GPR158: variants seen among roughly 807,000 people sequenced by gnomAD.
GPR158 encodes the protein metabotropic glycine receptor.
A neutral mutation model predicts 78.2 loss-of-function variants in GPR158; 30 were observed. The ratio of observed to expected loss-of-function variants is 0.38; its 90% CI spans 0.29 to 0.52. GPR158 has a LOEUF of 0.52. Among genes scored for constraint, GPR158 ranks in the 20% least tolerant of loss-of-function variants. GPR158 has a pLI of 0.83. For missense variants in GPR158, 1,463 were observed against 1,523.5 expected (o/e 0.96, Z 0.66); for synonymous variants, 581 against 591.1 (o/e 0.98, Z 0.25).
At chr10:25,327,315 A>G (rs550711687) in intron 2 of GPR158, among the ~76,000 whole-genome samples, 1 of 152,264 alleles carries the variant, frequency 6.6e-6, no homozygotes, top group Non-Finnish European at 1.5e-5. Flanking sequence ...GCCTTGATTC[A>G]GTCACCTGGA....
chr10:25,279,167 CTGA>C (rs1854230508), intron 2 of GPR158, among the ~76,000 whole-genome samples: 4 of 148,666 alleles, frequency 2.7e-5, no homozygotes, highest in African/African-American at 1.0e-4. Context: ...GCTGCTACTG[CTGA>C]TGCTGCTGAT....
chr10:25,245,167 T>C (rs368807304), intron 2 of GPR158, among the ~76,000 whole-genome samples: 4 of 152,326 alleles, frequency 2.6e-5, no homozygotes, highest in Admixed American at 6.5e-5. Context: ...ATCACGATGC[T>C]CAAAGGAATG....
At chr10:25,335,079 A>G (rs141741964) in intron 2 of GPR158, among the ~76,000 whole-genome samples, 25 of 152,206 alleles carry the variant, frequency 1.6e-4, no homozygotes, top group African/African-American at 5.5e-4. Context: ...GGGAGACCCC[A>G]TGTGCTACAG....
At chr10:25,311,779 C>T (rs1854768754) in intron 2 of GPR158, among the ~76,000 whole-genome samples, 1 of 151,794 alleles carries the variant, frequency 6.6e-6, no homozygotes. Context: ...TCCAAATGTT[C>T]ATTAATTTTT....
intron 2 of GPR158, among the ~76,000 whole-genome samples, chr10:25,254,112 G>A (rs746641428): frequency 1.1e-4 from 17 of 152,064 alleles, no homozygotes; most frequent in African/African-American, 2.4e-4. Flanking sequence ...AAATGTTATC[G>A]GTTTTTAAGG....
Position 25,536,319 on chromosome 10 carries a change from T to C in GPR158, c.1405-14657T>C, listed in dbSNP as rs143887992. The stretch of plus-strand genomic sequence containing the variant: ...GTTATATTAAATCTCCAGCCTCCTT[T>C]ACATATAGTGGTTTTACTGAAGCTA... On this transcript the variant is annotated intron_variant, in intron 5 of 10. Transcript: ENST00000376351. Among the ~76,000 whole-genome samples, 852 of 152,344 alleles carry C rather than the reference T, an allele frequency of 5.6e-3. 26 individuals are homozygous for C. Among genetic ancestry groups the C allele is most frequent in the Admixed American group, 0.049 (748 of 15,294 alleles).
chr10:25,271,494 G>A (rs1854118830), intron 2 of GPR158, among the ~76,000 whole-genome samples: 1 of 152,110 alleles, frequency 6.6e-6, no homozygotes, highest in Non-Finnish European at 1.5e-5. Flanking sequence ...GATTTTCAGA[G>A]TTGTCTGTTT....
intron 5 of GPR158, among the ~76,000 whole-genome samples, chr10:25,527,148 G>C (rs147617082): frequency 6.6e-6 from 1 of 152,238 alleles, no homozygotes; most frequent in Non-Finnish European, 1.5e-5. Context: ...TAAAGGAAAA[G>C]ATAAGACAGA....
At chr10:25,382,982 C>G (rs956546605) in intron 2 of GPR158, among the ~76,000 whole-genome samples, 1 of 151,868 alleles carries the variant, frequency 6.6e-6, no homozygotes, top group Admixed American at 6.6e-5. Context: ...ATTACAGGTG[C>G]CTGCCACCAC....
At chr10:25,304,922 C>T (rs1404509885) in intron 2 of GPR158, among the ~76,000 whole-genome samples, 1 of 152,198 alleles carries the variant, frequency 6.6e-6, no homozygotes, top group Non-Finnish European at 1.5e-5. Flanking sequence ...AAATAGTTAT[C>T]TAACCTGTAT....
chr10:25,527,806 A>G (rs1258032301), intron 5 of GPR158, among the ~76,000 whole-genome samples: 1 of 152,126 alleles, frequency 6.6e-6, no homozygotes, highest in Non-Finnish European at 1.5e-5. Context: ...AAGACTGATC[A>G]AGAAAAAAAT....
At chr10:25,579,633 C>A (rs550926139) in intron 7 of GPR158, among the ~76,000 whole-genome samples, 1 of 152,028 alleles carries the variant, frequency 6.6e-6, no homozygotes, top group African/African-American at 2.4e-5. Context: ...ACAACAAGAC[C>A]GCAAAAAAGT....
At chr10:25,187,723 A>G (rs897172921) in intron 1 of GPR158, among the ~76,000 whole-genome samples, 10 of 152,348 alleles carry the variant, frequency 6.6e-5, no homozygotes, top group African/African-American at 2.4e-4. Context: ...AAACTGGCAC[A>G]AGACAGGGAT....
In GPR158 at chr10:25,597,923, G is replaced by A. The variant is rs755022910; in HGVS notation, c.2297G>A (p.Ser766Asn). ...ATTACGGAGATCCCAGAGACAGTCA[G>A]CCGGCAGTGCTCTAAAGAGGACAAG... Reference protein sequence around the residue: ...RRITEIPETVSRQCSKEDKEG... With the variant: ...RRITEIPETVNRQCSKEDKEG... Residue 766 changes from serine to asparagine, a missense_variant, in exon 11 of 11, where the codon AGC becomes AAC. Physicochemically the swap from Ser to Asn is conservative, Grantham distance 46. Transcript: ENST00000376351. 60 of 1,612,392 alleles carry A rather than the reference G, an allele frequency of 3.7e-5. No individual in the cohort carries two copies. The highest frequency in any genetic ancestry group is 1.2e-4 in the Admixed American group (7 of 59,766).
In GPR158 at chr10:25,175,817, A is replaced by G; in HGVS notation, c.397A>G (p.Thr133Ala). ...GGCGCTGGACACACTGACACACGCC[A>G]CCAACTTCCTCAACGTGATGCTGCA... ...HRALDTLTHA[T>A]NFLNVMLQSN... The change falls in exon 1 of 11, where the codon ACC (threonine) becomes GCC (alanine). Residue 133 changes from threonine to alanine, a missense_variant. Transcript: ENST00000376351. This position sits in a 1 kb window ranked among gnomAD's most constrained non-coding sequence, Gnocchi z 6.4. 6.2e-7 allele frequency: 1 copy of G among 1,612,766 alleles called. No individual in the cohort carries two copies. The highest frequency in any genetic ancestry group is 8.5e-7 in the Non-Finnish European group (1 of 1,179,980).
chr10:25,215,410 C>T (rs1853195287), intron 1 of GPR158, among the ~76,000 whole-genome samples: 1 of 152,158 alleles, frequency 6.6e-6, no homozygotes, highest in Non-Finnish European at 1.5e-5. Flanking sequence ...AACAGAGTTT[C>T]AGTTTTGCAA....
intron 5 of GPR158, among the ~76,000 whole-genome samples, chr10:25,504,692 C>G (rs1835988079): frequency 6.6e-6 from 1 of 152,206 alleles, no homozygotes; most frequent in Non-Finnish European, 1.5e-5. Flanking sequence ...CACCTCCTAC[C>G]TGCAGGAGTG....
chr10:25,327,073 G>A (rs1216990967), intron 2 of GPR158, among the ~76,000 whole-genome samples: 1 of 152,066 alleles, frequency 6.6e-6, no homozygotes, highest in Non-Finnish European at 1.5e-5. Flanking sequence ...TGTAAGCCAA[G>A]GAATGTCTGT....
At chr10:25,527,530 T>C (rs1361718541) in intron 5 of GPR158, among the ~76,000 whole-genome samples, 1 of 152,254 alleles carries the variant, frequency 6.6e-6, no homozygotes, top group East Asian at 1.9e-4. Context: ...ATATTTCAAA[T>C]GGAATGATAG....
Sources: allele counts gnomAD v4.1 joint callset (sites outside exome capture counted in the v4.1 genomes callset), GRCh38; gene constraint gnomAD v4.1.1; non-coding constraint Gnocchi (gnomAD v3.1); transcripts MANE v1.5; gene names NCBI Gene and HGNC (gene_info 2026-07-23, HGNC 2026-07-21).